Variants in SH2B3 observed in about 807,000 individuals in gnomAD.
SH2B3 encodes the protein SH2B adapter protein 3.
In SH2B3, 43 loss-of-function variants were observed where a neutral mutation model predicts 51.9. That is an observed-to-expected ratio of 0.83 (90% CI 0.65 to 1.07). SH2B3 has a LOEUF of 1.07. Among genes scored for constraint, SH2B3 ranks in the 50% least tolerant of loss-of-function variants. SH2B3 has a pLI of 0.00. For synonymous variants in SH2B3, 396 were observed against 376.0 expected (o/e 1.05, Z -0.62); for missense variants, 952 against 834.3 (o/e 1.14, Z -1.74).
chr12:111,421,862 A>G (rs1207623592), intron 2 of SH2B3, among the ~76,000 whole-genome samples: 1 of 152,234 alleles, frequency 6.6e-6, no homozygotes, highest in Non-Finnish European at 1.5e-5. Flanking sequence ...GTTTGCATCT[A>G]AGTCTAAATA....
chr12:111,447,488 A>G lies in SH2B3; in HGVS notation c.1180A>G (p.Ser394Gly), dbSNP rs1316305066. 1 of 1,548,956 alleles carries G rather than the reference A, an allele frequency of 6.5e-7. No individual in the cohort carries two copies. Among genetic ancestry groups the G allele is most frequent in the South Asian group, 1.1e-5 (1 of 90,044 alleles). ...TCATGGAGTGTTCCTGGTGCGGCAG[A>G]GCGAGACGCGGCGTGGGGAATACGT... ...DAHGVFLVRQ[S>G]ETRRGEYVLT... Residue 394 changes from serine (S) to glycine (G), a missense_variant, in exon 6 of 8, where the codon AGC becomes GGC. Coordinates refer to ENST00000341259, the MANE Select transcript of SH2B3 (RefSeq NM_005475.3).
chr12:111,430,184 G>A (rs1294140232), intron 2 of SH2B3, among the ~76,000 whole-genome samples: 3 of 152,218 alleles, frequency 2.0e-5, no homozygotes, highest in Non-Finnish European at 4.4e-5. Flanking sequence ...TGGGAGTGAT[G>A]GGGAAGGCGG....
chr12:111,430,240 G>A (rs960373610), intron 2 of SH2B3, among the ~76,000 whole-genome samples: 11 of 152,172 alleles, frequency 7.2e-5, no homozygotes, highest in African/African-American at 2.2e-4. Context: ...ACACACTGCC[G>A]CCCCATCTGC....
chr12:111,436,898 C>T (rs1872925981), intron 2 of SH2B3, among the ~76,000 whole-genome samples: 1 of 151,742 alleles, frequency 6.6e-6, no homozygotes, highest in African/African-American at 2.4e-5. Context: ...TAATCACTTC[C>T]CCCGCCCCCC....
rs899111445 is a variant in SH2B3, at chr12:111,418,836, G to T, written c.691G>T (p.Asp231Tyr). The T allele has an allele frequency of 1.4e-4, 197 of 1,420,038 alleles. No homozygotes were observed. Among genetic ancestry groups the T allele is most frequent in the Non-Finnish European group, 1.7e-4 (190 of 1,101,102 alleles). 88.0% of individuals were successfully genotyped at this position (1,420,038 alleles called of 1,614,324 possible). Residue 231 changes from aspartate to tyrosine, a missense_variant, in exon 2 of 8, where the codon GAT (aspartate) becomes TAT (tyrosine). Transcript: ENST00000341259. The surrounding 1 kb of genome is among the most constrained non-coding windows in gnomAD (Gnocchi z 6.7). ...GGCGCTGCGCCGGGCCCCGGGCCCCGATGGCCCCGACCGCGTGCTGGAGCT... is the reference window on the plus strand; with the variant it reads ...GGCGCTGCGCCGGGCCCCGGGCCCCTATGGCCCCGACCGCGTGCTGGAGCT... Reference protein sequence around the residue: ...RLALRRAPGPDGPDRVLELFD... With the variant: ...RLALRRAPGPYGPDRVLELFD...
chr12:111,409,097 G>A lies in SH2B3; in HGVS notation c.-28+2820G>A, dbSNP rs1276772028. 1.3e-5 allele frequency among the ~76,000 whole-genome samples: 2 copies of A among 152,116 alleles called. No individual in the cohort carries two copies. Among genetic ancestry groups the A allele is most frequent in the African/African-American group, 4.8e-5 (2 of 41,404 alleles). The stretch of plus-strand genomic sequence containing the variant: ...GCAGGTTACCTGGCTTCTCTGATCT[G>A]GACCTCGCCTGCCCGATGGAAGCCA... On this transcript the variant is annotated intron_variant, in intron 1 of 7. Coordinates refer to ENST00000341259, the MANE Select transcript of SH2B3 (RefSeq NM_005475.3). The surrounding 1 kb of genome is among the most constrained non-coding windows in gnomAD (Gnocchi z 4.0).
At position 111,448,310 on chromosome 12, in the gene SH2B3, G is replaced by A; in HGVS notation, c.*8G>A. 6.3e-7 allele frequency: 1 copy of A among 1,586,558 alleles called. No homozygotes were observed. Among genetic ancestry groups the A allele is most frequent in the Non-Finnish European group, 8.6e-7 (1 of 1,159,530 alleles). On this transcript the variant is annotated 3_prime_UTR_variant, in exon 8 of 8. Transcript: ENST00000341259. ...CAGTACACACCTCTCTGACCAGTGA[G>A]GAATTCCAGGCCTCAACAGCTGCCC...
chr12:111,405,058 T>C (rs922246283), upstream of SH2B3, among the ~76,000 whole-genome samples: 1 of 152,032 alleles, frequency 6.6e-6, no homozygotes, highest in Admixed American at 6.6e-5. This position sits in a 1 kb window ranked among gnomAD's most constrained non-coding sequence, Gnocchi z 5.4. Flanking sequence ...GCTGAGAGCA[T>C]GTCCCACTCC....
rs752977461 is a variant in SH2B3 at position 111,447,511 on chromosome 12, C to T, written c.1203C>T (p.Tyr401=). 6 of 1,439,436 alleles carry T rather than the reference C, an allele frequency of 4.2e-6. No homozygotes were observed. In the South Asian group the frequency reaches 4.5e-5, roughly 11 times the overall value. 89.2% of individuals were successfully genotyped at this position (1,439,436 alleles called of 1,614,324 possible). A position where few individuals can be genotyped will look rare whatever the true frequency, so the allele number is the denominator to read the frequency against. ...VRQSETRRGE[Y]VLTFNFQGIA... is the part of the protein sequence containing the mutation. ...AGAGCGAGACGCGGCGTGGGGAATA[C>T]GTGCTCACTTTCAACTTTCAGGGGA... Residue 401 remains tyrosine (Y), a synonymous_variant, in exon 6 of 8, where the codon TAC becomes TAT. Transcript: ENST00000341259.
Position 111,435,608 on chromosome 12 carries a change from C to A in SH2B3, c.733-11145C>A, listed in dbSNP as rs1028503171. Among the ~76,000 whole-genome samples, 3 of 152,214 alleles carry A rather than the reference C, an allele frequency of 2.0e-5. No homozygotes were observed. The highest frequency in any genetic ancestry group is 1.3e-4 in the Admixed American group (2 of 15,290). On this transcript the variant is annotated intron_variant, in intron 2 of 7. Coordinates refer to ENST00000341259, the MANE Select transcript of SH2B3 (RefSeq NM_005475.3). The surrounding 1 kb of genome is among the most constrained non-coding windows in gnomAD (Gnocchi z 4.8). ...TCCTGACCTCAAGTGATCCGCCCAT[C>A]TTGACCTCCCAAAGTGCTCGTTACA...
chr12:111,423,837 A>G (rs1216323014), intron 2 of SH2B3, among the ~76,000 whole-genome samples: 1 of 152,154 alleles, frequency 6.6e-6, no homozygotes, highest in Non-Finnish European at 1.5e-5. Flanking sequence ...TTGGTGGCCA[A>G]GCGTGTGGCT....
intron 2 of SH2B3, among the ~76,000 whole-genome samples, chr12:111,421,452 C>T (rs374447344): frequency 2.1e-5 from 3 of 142,054 alleles, no homozygotes; most frequent in African/African-American, 8.1e-5. Context: ...CTCTGTCACC[C>T]AGCTGGAGTG....
At position 111,451,621 on chromosome 12, in the gene SH2B3, T is replaced by G. The variant is rs1228359455; in HGVS notation, c.*3319T>G. 1.3e-5 allele frequency: 2 copies of G among 152,694 alleles called. No homozygotes were observed. Among genetic ancestry groups the G allele is most frequent in the Non-Finnish European group, 2.9e-5 (2 of 68,048 alleles). 9.5% of individuals were successfully genotyped at this position (152,694 alleles called of 1,614,324 possible). A position where few individuals can be genotyped will look rare whatever the true frequency, so the allele number is the denominator to read the frequency against. On this transcript the variant is annotated 3_prime_UTR_variant, in exon 8 of 8. Transcript: ENST00000341259. ...GTGAATTAAAAAGTTTTCAGAATCT[T>G]GATTTGCTGTCATAATATTTAAAGG...
At chr12:111,439,961 T>C (rs923906345) in intron 2 of SH2B3, among the ~76,000 whole-genome samples, 8 of 152,176 alleles carry the variant, frequency 5.3e-5, no homozygotes, top group African/African-American at 1.9e-4. Context: ...CTTTCTGCCT[T>C]TGAGGGATGG....
intron 1 of SH2B3, among the ~76,000 whole-genome samples, chr12:111,416,479 TG>T (rs1352018077): frequency 8.9e-5 from 12 of 134,944 alleles, no homozygotes; most frequent in Admixed American, 2.2e-4. Flanking sequence ...AAGTTGTTGC[TG>T]GTTTTTTTTT....
In SH2B3 at chr12:111,418,397, G is replaced by A. The variant is rs1359948077; in HGVS notation, c.252G>A (p.Ala84=). The change falls in exon 2 of 8, where the codon GCG becomes GCA. Residue 84 remains alanine (A), a synonymous_variant. Transcript: ENST00000341259. The surrounding 1 kb of genome is among the most constrained non-coding windows in gnomAD (Gnocchi z 6.7). ...YFCREVRDGR[A]PGRDYRDTGR... is the part of the protein sequence containing the mutation. ...GCCGCGAGGTGCGCGACGGACGGGC[G>A]CCGGGCCGCGACTACCGGGACACAG... is the stretch of plus-strand genomic sequence containing the variant. The A allele has an allele frequency of 6.7e-7, 1 of 1,495,758 alleles. No homozygotes were observed. The highest frequency in any genetic ancestry group is 8.9e-7 in the Non-Finnish European group (1 of 1,128,682). The allele number at this position is 1,495,758 out of a possible 1,614,324, so 92.7% of individuals were successfully genotyped here.
chr12:111,414,698 C>T (rs565041890), intron 1 of SH2B3, among the ~76,000 whole-genome samples: 1 of 152,244 alleles, frequency 6.6e-6, no homozygotes, highest in African/African-American at 2.4e-5. Context: ...GTGGGGGTTC[C>T]ACCATGGCCT....
intron 2 of SH2B3, among the ~76,000 whole-genome samples, chr12:111,442,931 A>G (rs1873576016): frequency 6.6e-6 from 1 of 152,232 alleles, no homozygotes; most frequent in Non-Finnish European, 1.5e-5. Flanking sequence ...CAAAGCCAGT[A>G]ACAGACCCCA....
intron 2 of SH2B3, among the ~76,000 whole-genome samples, chr12:111,439,483 A>G (rs1022838772): frequency 6.6e-6 from 1 of 151,734 alleles, no homozygotes; most frequent in African/African-American, 2.4e-5. Flanking sequence ...ACAGGGTTTC[A>G]CCATATTGGC....
Sources: allele counts gnomAD v4.1 joint callset (sites outside exome capture counted in the v4.1 genomes callset), GRCh38; gene constraint gnomAD v4.1.1; non-coding constraint Gnocchi (gnomAD v3.1); transcripts MANE v1.5; gene names NCBI Gene and HGNC (gene_info 2026-07-23, HGNC 2026-07-21).